The following TUSC3 variants were observed in gnomAD, a reference collection of about 807,000 sequenced individuals.
TUSC3 encodes the protein tumor suppressor candidate 3, also known as dolichyl-diphosphooligosaccharide--protein glycosyltransferase subunit TUSC3.
Under a neutral mutation model 44.8 loss-of-function variants are expected in TUSC3, and 45 were observed. The ratio of observed to expected loss-of-function variants is 1.00; its 90% CI spans 0.79 to 1.29. The LOEUF (loss-of-function observed/expected upper bound fraction) is 1.29. TUSC3 is among the 50% of genes most tolerant of loss of function. The pLI is 0.00. For synonymous variants in TUSC3, 212 were observed against 152.9 expected, an observed-to-expected ratio of 1.39 and a Z score of -2.85; for missense variants, 519 against 437.9, an observed-to-expected ratio of 1.19 and a Z score of -1.65.
At chr8:15,465,487 C>T (rs989104568) in intron 1 of TUSC3, among the ~76,000 whole-genome samples, 5 of 152,152 alleles carry the variant, frequency 3.3e-5, no homozygotes, top group African/African-American at 1.2e-4. Flanking sequence ...CAATGATCAA[C>T]AAACATTATT....
chr8:15,668,531 C>T (rs1298007329), intron 5 of TUSC3, among the ~76,000 whole-genome samples: 2 of 151,620 alleles, frequency 1.3e-5, no homozygotes, highest in Non-Finnish European at 3.0e-5. Flanking sequence ...CCACAGGGAC[C>T]TTACATGTGT....
chr8:15,618,206 C>T (rs1426776163), intron 1 of TUSC3, among the ~76,000 whole-genome samples: 2 of 152,136 alleles, frequency 1.3e-5, no homozygotes, highest in Non-Finnish European at 2.9e-5. Flanking sequence ...CTACTGTAGA[C>T]TCTATAAACA....
rs151022352 is a variant in TUSC3 at position 15,562,334 on chromosome 8, C to T, written c.138+21766C>T. On this transcript the variant is annotated intron_variant, in intron 1 of 10. Transcript: ENST00000503731. ...TGTGGCATAGCTAATAAAACCGCTT[C>T]GCAATTTATCTTTCCATCCGTCTTA... Among the ~76,000 whole-genome samples, 774 of 152,202 alleles carry T rather than the reference C, an allele frequency of 5.1e-3. 12 individuals carry two copies. Among genetic ancestry groups the T allele is most frequent in the African/African-American group, 0.018 (732 of 41,532 alleles).
chr8:15,457,153 AC>A (rs1800266931), intron 1 of TUSC3, among the ~76,000 whole-genome samples: 1 of 106,242 alleles, frequency 9.4e-6, no homozygotes, highest in Non-Finnish European at 1.8e-5. Context: ...AAGATCACAC[AC>A]TGGGGCCTGT....
At chr8:15,786,263 C>G in the TUSC3 span, among the ~76,000 whole-genome samples, 118 of 152,254 alleles carry the variant, frequency 7.8e-4, 1 homozygote, top group East Asian at 0.015. Context: ...CAACTTAAAC[C>G]ATCTGACACT....
intron 5 of TUSC3, among the ~76,000 whole-genome samples, chr8:15,668,904 A>G (rs1183115897): frequency 6.6e-6 from 1 of 151,722 alleles, no homozygotes; most frequent in African/African-American, 2.4e-5. Context: ...GAAACTTCAC[A>G]AGTCTCGAGT....
At chr8:15,788,391 A>T in the TUSC3 span, among the ~76,000 whole-genome samples, 1 of 152,014 alleles carries the variant, frequency 6.6e-6, no homozygotes, top group African/African-American at 2.4e-5. Context: ...TACTAAAAAT[A>T]AACAAATTAG....
At chr8:15,833,017 T>A in the TUSC3 span, among the ~76,000 whole-genome samples, 4 of 151,996 alleles carry the variant, frequency 2.6e-5, no homozygotes, top group Admixed American at 1.3e-4. Context: ...CTAAAATTGA[T>A]CACATAATCG....
chr8:15,425,805 T>G (rs1799796523), intron 1 of TUSC3, among the ~76,000 whole-genome samples: 1 of 152,226 alleles, frequency 6.6e-6, no homozygotes, highest in Admixed American at 6.5e-5. Flanking sequence ...CCTGATGACT[T>G]AGACCCTACC....
chr8:15,837,641 C>G, the TUSC3 span, among the ~76,000 whole-genome samples: 1 of 152,034 alleles, frequency 6.6e-6, no homozygotes, highest in Non-Finnish European at 1.5e-5. Flanking sequence ...CACATTTAAT[C>G]TTTTTCTGTT....
chr8:15,471,863 C>T (rs916637562), intron 1 of TUSC3, among the ~76,000 whole-genome samples: 6 of 152,020 alleles, frequency 3.9e-5, no homozygotes, highest in South Asian at 2.1e-4. Context: ...GGTGATCCAC[C>T]GACCCCTGCC....
At chr8:15,679,995 G>A (rs541253843) in intron 6 of TUSC3, among the ~76,000 whole-genome samples, 28 of 152,190 alleles carry the variant, frequency 1.8e-4, no homozygotes, top group African/African-American at 6.3e-4. Flanking sequence ...TTGCTTTGTA[G>A]TATAGTTTGA....
chr8:15,834,465 G>A, the TUSC3 span, among the ~76,000 whole-genome samples: 1 of 152,022 alleles, frequency 6.6e-6, no homozygotes, highest in Non-Finnish European at 1.5e-5. Flanking sequence ...TCTCAGTTAA[G>A]AACAATACTG....
chr8:15,440,927 T>C (rs1800012994), intron 1 of TUSC3, among the ~76,000 whole-genome samples: 1 of 152,192 alleles, frequency 6.6e-6, no homozygotes, highest in Admixed American at 6.5e-5. Context: ...TGCCAAGTTA[T>C]GTTGATGGAC....
At chr8:15,793,715 T>G in the TUSC3 span, among the ~76,000 whole-genome samples, 1 of 152,238 alleles carries the variant, frequency 6.6e-6, no homozygotes, top group African/African-American at 2.4e-5. Flanking sequence ...ATGCATAGCT[T>G]CTTTTGGGGT....
intron 6 of TUSC3, among the ~76,000 whole-genome samples, chr8:15,702,973 A>G (rs1033085337): frequency 1.3e-5 from 2 of 152,126 alleles, no homozygotes; most frequent in South Asian, 4.1e-4. Flanking sequence ...CCAGTTTACT[A>G]ATTAAACAAA....
At chr8:15,471,184 G>A (rs750200880) in intron 1 of TUSC3, among the ~76,000 whole-genome samples, 1 of 152,012 alleles carries the variant, frequency 6.6e-6, no homozygotes, top group Non-Finnish European at 1.5e-5. Flanking sequence ...CCAAAACTTG[G>A]TAAATCATCG....
chr8:15,436,989 GC>G (rs1563250551), intron 1 of TUSC3, among the ~76,000 whole-genome samples: 1 of 152,052 alleles, frequency 6.6e-6, no homozygotes, highest in Non-Finnish European at 1.5e-5. Context: ...TACACAACTG[GC>G]TATTTAAAAT....
intron 2 of TUSC3, among the ~76,000 whole-genome samples, chr8:15,534,051 T>A (rs984908292): frequency 1.4e-4 from 22 of 152,118 alleles, no homozygotes; most frequent in Admixed American, 7.9e-4. Context: ...TCCAAGATAG[T>A]GATGTTCTTG....
Sources: gnomAD v4.1 joint callset for allele counts (sites outside exome capture counted in the v4.1 genomes callset) on GRCh38, gnomAD v4.1.1 for gene constraint, MANE v1.5 for transcripts, NCBI Gene and HGNC (gene_info 2026-07-23, HGNC 2026-07-21) for gene names.